SYT16: variants seen among roughly 807,000 people sequenced by gnomAD.
SYT16 encodes the protein synaptotagmin-16.
A neutral mutation model predicts 61.4 loss-of-function variants in SYT16; 42 were observed. The ratio of observed to expected loss-of-function variants is 0.68; its 90% confidence interval spans 0.53 to 0.89. The LOEUF is 0.89. Among genes scored for constraint, SYT16 ranks in the 40% least tolerant of loss-of-function variants. SYT16 has a pLI of 0.00. For synonymous variants in SYT16, 314 were observed against 302.3 expected, an observed-to-expected ratio of 1.04 and a Z score of -0.40; for missense variants, 804 against 807.3, an observed-to-expected ratio of 1.00 and a Z score of 0.05.
At chr14:62,031,423 C>T (rs948759081) in intron 3 of SYT16, among the ~76,000 whole-genome samples, 1 of 152,134 alleles carries the variant, frequency 6.6e-6, no homozygotes, top group African/African-American at 2.4e-5. Context: ...GAAAATAGTT[C>T]AACTTCATTT....
chr14:61,845,909 T>C (rs970270828), intron 1 of SYT16, among the ~76,000 whole-genome samples: 1 of 152,218 alleles, frequency 6.6e-6, no homozygotes, highest in African/African-American at 2.4e-5. Flanking sequence ...AAATTTTCAA[T>C]TTCCTTCTTA....
In SYT16 at chr14:62,045,600, CACTT is replaced by C. The variant is rs1350223337; in HGVS notation, c.524-24002_524-23999del. 6.6e-5 allele frequency among the ~76,000 whole-genome samples: 10 copies of C among 152,116 alleles called. No homozygotes were observed. The East Asian group carries it at 1.2e-3, about 18-fold the overall frequency. On this transcript the variant is annotated intron_variant, in intron 3 of 7. Coordinates refer to ENST00000683842, the MANE Select transcript of SYT16 (RefSeq NM_001367656.1). ...TATATCTCCTAATGCTATCTCTCCC[CACTT>C]CCCCCACCCCACAACAGGCCCCGGT... is the stretch of plus-strand genomic sequence containing the variant.
chr14:62,017,589 C>T (rs914854964), intron 3 of SYT16, among the ~76,000 whole-genome samples: 2 of 152,206 alleles, frequency 1.3e-5, no homozygotes, highest in Non-Finnish European at 2.9e-5. Flanking sequence ...TCATACCTCT[C>T]CCTTTTATTC....
In SYT16 at chr14:61,945,879, A is replaced by T. The variant is rs2050413384; in HGVS notation, c.-324-24253A>T. Among the ~76,000 whole-genome samples the T allele has an allele frequency of 2.7e-5, 4 of 148,454 alleles. No individual in the cohort carries two copies. In the South Asian group the frequency reaches 8.6e-4, roughly 32 times the overall value. On this transcript the variant is annotated intron_variant, in intron 1 of 7. Transcript: ENST00000683842. ...TCAAAAAAAAAAAAAAAAAAAAAAA[A>T]AAAAAAAGGATGAGTTAATGTCCTC...
chr14:62,088,786 A>T (rs898394666), intron 7 of SYT16, among the ~76,000 whole-genome samples: 13 of 152,180 alleles, frequency 8.5e-5, no homozygotes, highest in African/African-American at 3.1e-4. Flanking sequence ...GGTGGTGGGT[A>T]TAGGGACCTC....
At chr14:61,927,432 G>A (rs986177408) in intron 1 of SYT16, among the ~76,000 whole-genome samples, 1 of 152,212 alleles carries the variant, frequency 6.6e-6, no homozygotes, top group African/African-American at 2.4e-5. Flanking sequence ...TATGGCCAGA[G>A]TCTGAGTTTA....
intron 3 of SYT16, among the ~76,000 whole-genome samples, chr14:62,064,200 C>G (rs2055954426): frequency 6.6e-6 from 1 of 151,860 alleles, no homozygotes; most frequent in Non-Finnish European, 1.5e-5. Flanking sequence ...AGTGTCACAA[C>G]TTAGATGAGA....
At chr14:61,967,197 A>G (rs1194412840) in intron 1 of SYT16, among the ~76,000 whole-genome samples, 1 of 152,204 alleles carries the variant, frequency 6.6e-6, no homozygotes, top group Admixed American at 6.5e-5. Flanking sequence ...GGGAACCAGA[A>G]ATAGGTGAAC....
rs1188785699 is a variant in SYT16, at chr14:61,996,357, CA to C, written c.341del (p.Lys114ArgfsTer53). 6.2e-7 allele frequency: 1 copy of C among 1,613,514 alleles called. No homozygotes were observed. The highest frequency in any genetic ancestry group is 1.3e-5 in the African/African-American group (1 of 75,018). On this transcript the variant is annotated frameshift_variant, in exon 3 of 8. Coordinates refer to ENST00000683842, the MANE Select transcript of SYT16 (RefSeq NM_001367656.1). LOFTEE classifies it high-confidence loss of function. ...QNSSPSLSQH[A>X]KDSCSTMSQW... ...TCAAGCCCAAGCCTTAGCCAACATG[CA>C]AAGGACTCATGTTCCACAATGTCCC...
At chr14:62,040,683 C>G (rs537893211) in intron 3 of SYT16, among the ~76,000 whole-genome samples, 13 of 152,280 alleles carry the variant, frequency 8.5e-5, no homozygotes, top group Middle Eastern at 6.8e-3. Context: ...TCATCCTTAT[C>G]CATGTTCCTC....
chr14:61,857,973 T>C (rs2046827540), intron 1 of SYT16, among the ~76,000 whole-genome samples: 3 of 150,832 alleles, frequency 2.0e-5, no homozygotes, highest in African/African-American at 7.3e-5. Context: ...ACTACAGGGG[T>C]TTCTCTGTAG....
chr14:61,918,654 A>G (rs570017852), intron 1 of SYT16, among the ~76,000 whole-genome samples: 4 of 152,302 alleles, frequency 2.6e-5, no homozygotes, highest in African/African-American at 4.8e-5. Flanking sequence ...AATAAAATAC[A>G]TGAATATGTA....
chr14:61,968,777 A>G (rs943577802), intron 1 of SYT16, among the ~76,000 whole-genome samples: 4 of 152,202 alleles, frequency 2.6e-5, no homozygotes, highest in Admixed American at 2.6e-4. Flanking sequence ...CATTTCAACC[A>G]AGCGCTGTGA....
intron 7 of SYT16, among the ~76,000 whole-genome samples, chr14:62,086,111 G>A (rs984332959): frequency 6.6e-6 from 1 of 152,138 alleles, no homozygotes; most frequent in Non-Finnish European, 1.5e-5. Context: ...GTACATCATC[G>A]TGCTTGAGAA....
At chr14:61,844,953 G>C (rs1566623245) in intron 1 of SYT16, among the ~76,000 whole-genome samples, 2 of 151,050 alleles carry the variant, frequency 1.3e-5, no homozygotes, top group African/African-American at 4.9e-5. Flanking sequence ...GAGAGTTTGA[G>C]TAGGATTGGT....
intron 1 of SYT16, among the ~76,000 whole-genome samples, chr14:61,887,387 A>C (rs989254955): frequency 1.3e-5 from 2 of 152,226 alleles, no homozygotes; most frequent in African/African-American, 4.8e-5. Flanking sequence ...GCCAGTGAGC[A>C]CTGGCTTCAA....
rs117820569 is a variant in SYT16 at position 62,038,910 on chromosome 14, G to A, written c.524-30693G>A. 8.1e-3 allele frequency among the ~76,000 whole-genome samples: 1,235 copies of A among 152,278 alleles called. 9 individuals are homozygous for A. Among genetic ancestry groups the A allele is most frequent in the Non-Finnish European group, 0.015 (1,013 of 68,022 alleles). The stretch of plus-strand genomic sequence containing the variant: ...CATGATAATGCCTAATAAACGTTGC[G>A]TAGAGTTCTTTTGTGCCTACAAAGT... On this transcript the variant is annotated intron_variant, in intron 3 of 7. Transcript: ENST00000683842.
At chr14:61,832,297 C>A in intron 1 of SYT16, 1 of 589,468 alleles carries the variant, frequency 1.7e-6, no homozygotes, top group Non-Finnish European at 3.4e-6. Flanking sequence ...ACAACATTTC[C>A]GTGTGCTCGT....
chr14:61,977,966 C>T (rs909032380), intron 2 of SYT16, among the ~76,000 whole-genome samples: 2 of 152,110 alleles, frequency 1.3e-5, no homozygotes, highest in African/African-American at 2.4e-5. Context: ...ATGACTTGCT[C>T]CTTGCTCCTG....
Sources: allele counts gnomAD v4.1 joint callset (sites outside exome capture counted in the v4.1 genomes callset), GRCh38; gene constraint gnomAD v4.1.1; transcripts MANE v1.5; gene names NCBI Gene and HGNC (gene_info 2026-07-23, HGNC 2026-07-21).